AKR1B15: variants seen among roughly 807,000 people sequenced by gnomAD.
AKR1B15 encodes aldo-keto reductase family 1 member B15, also known as estradiol 17-beta-dehydrogenase AKR1B15.
A neutral mutation model predicts 38.5 loss-of-function variants in AKR1B15; 49 were observed. That is an observed-to-expected ratio of 1.27 (90% CI 1.01 to 1.62). The LOEUF (loss-of-function observed/expected upper bound fraction) is 1.62, where lower values mean the gene tolerates loss of function less well. Ranked by LOEUF, AKR1B15 falls within the 40% of genes most tolerant of loss-of-function variation. The pLI, the probability that AKR1B15 is intolerant of heterozygous loss-of-function variation, is 0.00. For missense variants in AKR1B15, 411 were observed against 381.6 expected (o/e 1.08, Z -0.64); for synonymous variants, 137 against 135.5 (o/e 1.01, Z -0.08).
intron 2 of AKR1B15, among the ~76,000 whole-genome samples, chr7:134,564,111 A>T (rs954443671): frequency 2.6e-4 from 40 of 152,182 alleles, no homozygotes; most frequent in Admixed American, 4.6e-4. Context: ...GTCCGTCAGC[A>T]CAGAGCCATA....
At chr7:134,566,680 C>G (rs1053564271) in intron 3 of AKR1B15, among the ~76,000 whole-genome samples, 1 of 152,138 alleles carries the variant, frequency 6.6e-6, no homozygotes, top group Non-Finnish European at 1.5e-5. Flanking sequence ...TTTCCCTGCT[C>G]AGACTTCTGC....
chr7:134,556,018 C>G (rs782876), intron 1 of AKR1B15, among the ~76,000 whole-genome samples: 87,906 of 151,996 alleles, frequency 0.58, 26,608 homozygotes, highest in African/African-American at 0.78. Flanking sequence ...TACTATAACT[C>G]TCCGTAACCC....
intron 1 of AKR1B15, among the ~76,000 whole-genome samples, chr7:134,552,099 C>T (rs967177732): frequency 6.6e-6 from 1 of 152,204 alleles, no homozygotes; most frequent in South Asian, 2.1e-4. Context: ...CTGTCACCCA[C>T]TCACGAGAGG....
At chr7:134,568,741 A>G (rs1794599953) in intron 4 of AKR1B15, among the ~76,000 whole-genome samples, 3 of 152,170 alleles carry the variant, frequency 2.0e-5, no homozygotes. Context: ...CTTTTCTATT[A>G]TCACATGTGA....
chr7:134,571,014 C>G (rs1794657063), intron 5 of AKR1B15, among the ~76,000 whole-genome samples: 2 of 152,198 alleles, frequency 1.3e-5, no homozygotes, highest in Non-Finnish European at 1.5e-5. Context: ...GCACACCTGG[C>G]AGTGGCATCT....
chr7:134,560,619 C>T (rs1794358484), intron 2 of AKR1B15, among the ~76,000 whole-genome samples: 2 of 152,146 alleles, frequency 1.3e-5, no homozygotes, highest in Admixed American at 6.5e-5. Context: ...ATGAATAATA[C>T]ACATTTCTTT....
intron 6 of AKR1B15, among the ~76,000 whole-genome samples, chr7:134,571,989 C>T (rs1794678825): frequency 6.6e-6 from 1 of 152,164 alleles, no homozygotes; most frequent in African/African-American, 2.4e-5. Flanking sequence ...TGGGTTTGCT[C>T]ATAGCAGCTG....
chr7:134,562,069 CA>C (rs1386577723), intron 2 of AKR1B15, among the ~76,000 whole-genome samples: 1 of 152,108 alleles, frequency 6.6e-6, no homozygotes, highest in African/African-American at 2.4e-5. Flanking sequence ...CTGCAACTTC[CA>C]CCTCCTAGGT....
rs543720010 is a variant in AKR1B15 at position 134,552,255 on chromosome 7, A to G, written c.-147+3006A>G. On this transcript the variant is annotated intron_variant, in intron 1 of 11. Coordinates refer to ENST00000457545, the MANE Select transcript of AKR1B15 (RefSeq NM_001080538.3). ...AAACTCACCTCATGTTAGGGGACACAATGCCCCCTACTGCTCAGCTCCTGC... is the reference window on the plus strand; with the variant it reads ...AAACTCACCTCATGTTAGGGGACACGATGCCCCCTACTGCTCAGCTCCTGC... 3.9e-5 allele frequency among the ~76,000 whole-genome samples: 6 copies of G among 152,214 alleles called. No individual in the cohort carries two copies. The South Asian group carries it at 1.0e-3, about 26-fold the overall frequency.
At chr7:134,579,422 A>G in intron 11 of AKR1B15, 85 bp from the exon 12 acceptor site, 2 of 1,185,998 alleles carry the variant, frequency 1.7e-6, no homozygotes, top group Non-Finnish European at 2.3e-6. Flanking sequence ...AATACCACAG[A>G]GTCCACCAGA....
At chr7:134,552,154 C>T (rs1490091810) in intron 1 of AKR1B15, among the ~76,000 whole-genome samples, 1 of 152,114 alleles carries the variant, frequency 6.6e-6, no homozygotes, top group Non-Finnish European at 1.5e-5. Flanking sequence ...CCTCGTGGTC[C>T]CAGAGTGCCC....
chr7:134,549,555 G>C (rs1793893174), intron 1 of AKR1B15, among the ~76,000 whole-genome samples: 1 of 152,158 alleles, frequency 6.6e-6, no homozygotes, highest in African/African-American at 2.4e-5. Flanking sequence ...GTGAAAGCTA[G>C]GGAATTCGAG....
intron 1 of AKR1B15, among the ~76,000 whole-genome samples, chr7:134,553,877 A>G (rs906348650): frequency 3.3e-5 from 5 of 152,188 alleles, no homozygotes; most frequent in African/African-American, 9.7e-5. Context: ...AACAGGGAGT[A>G]CAGAAGGCTG....
At chr7:134,577,140 CTT>C in intron 10 of AKR1B15, 94 bp downstream of exon 10, 2 of 1,281,310 alleles carry the variant, frequency 1.6e-6, no homozygotes, top group Non-Finnish European at 2.2e-6. Flanking sequence ...CCTGCACTGT[CTT>C]TGGCCCCCTC....
intron 2 of AKR1B15, among the ~76,000 whole-genome samples, chr7:134,562,268 T>C (rs2117638447): frequency 6.6e-6 from 1 of 152,284 alleles, no homozygotes; most frequent in South Asian, 2.1e-4. Flanking sequence ...AGCAGGAAGA[T>C]TTATTTTGAA....
At chr7:134,561,417 G>A (rs1247456526) in intron 2 of AKR1B15, among the ~76,000 whole-genome samples, 1 of 152,166 alleles carries the variant, frequency 6.6e-6, no homozygotes, top group African/African-American at 2.4e-5. Context: ...ATGTTGGCCA[G>A]GCTAGTTTCA....
intron 11 of AKR1B15, among the ~76,000 whole-genome samples, 168 bp from the exon 12 acceptor site, chr7:134,579,339 T>G (rs148866833): frequency 1.4e-3 from 215 of 152,214 alleles, no homozygotes; most frequent in African/African-American, 5.0e-3. Flanking sequence ...AAAACCCTCA[T>G]ATCGATTTGA....
intron 2 of AKR1B15, among the ~76,000 whole-genome samples, chr7:134,561,988 TTC>T (rs1399010385): frequency 6.6e-5 from 10 of 152,340 alleles, no homozygotes; most frequent in African/African-American, 1.2e-4. Flanking sequence ...TTGCTTTGCT[TTC>T]TCTCTTTCTT....
At chr7:134,577,154 T>C (rs1341735603) in intron 10 of AKR1B15, 108 bp downstream of exon 10, 21 of 1,141,074 alleles carry the variant, frequency 1.8e-5, no homozygotes, top group Middle Eastern at 2.1e-4. Context: ...GGCCCCCTCC[T>C]TCCCCACCAC....
Sources: allele counts gnomAD v4.1 joint callset (sites outside exome capture counted in the v4.1 genomes callset), GRCh38; gene constraint gnomAD v4.1.1; transcripts MANE v1.5; gene names NCBI Gene and HGNC (gene_info 2026-07-23, HGNC 2026-07-21).